Variants in VASP observed in about 807,000 individuals in gnomAD.
VASP encodes vasodilator stimulated phosphoprotein.
Under a neutral mutation model 54.4 loss-of-function variants are expected in VASP, and 27 were observed. That is an observed-to-expected ratio of 0.50 (90% CI 0.37 to 0.68). VASP has a LOEUF of 0.68. Ranked by LOEUF, VASP falls within the 30% of genes least tolerant of loss-of-function variation. The pLI is 0.00. For synonymous variants in VASP, 233 were observed against 209.8 expected, an observed-to-expected ratio of 1.11 and a Z score of -0.96; for missense variants, 488 against 528.3, an observed-to-expected ratio of 0.92 and a Z score of 0.75.
chr19:45,522,140 A>G, intron 4 of VASP, 28 bp from the exon 5 acceptor site: 1 of 1,612,690 alleles, frequency 6.2e-7, no homozygotes, highest in Non-Finnish European at 8.5e-7. Context: ...GCCCTGATTG[A>G]CGGCAGCTCT....
chr19:45,521,447 G>A, intron 4 of VASP, 41 bp downstream of exon 4: 1 of 1,476,146 alleles, frequency 6.8e-7, no homozygotes, highest in Non-Finnish European at 9.0e-7. Flanking sequence ...GCCGCTGCCA[G>A]AGTTCCATAT....
intron 3 of VASP, among the ~76,000 whole-genome samples, chr19:45,520,963 C>T (rs975803199): frequency 1.3e-5 from 2 of 152,034 alleles, no homozygotes; most frequent in East Asian, 1.9e-4. Flanking sequence ...GACTCTGTCT[C>T]GAAACAAACC....
At position 45,513,996 on chromosome 19, in the gene VASP, G is replaced by A. The variant is rs181934592; in HGVS notation, c.6-3667G>A. On this transcript the variant is annotated intron_variant, in intron 1 of 12. Transcript: ENST00000245932. ...TTCTGCCTTTTTGGCAGCGGAGACA[G>A]ACAAATATTGTGTTGGGCAGGGGTC... 3.9e-4 allele frequency among the ~76,000 whole-genome samples: 60 copies of A among 152,344 alleles called. 1 individual carries two copies. In the East Asian group the frequency reaches 0.011, roughly 28 times the overall value.
At chr19:45,519,398 C>G (rs1158172228) in intron 3 of VASP, among the ~76,000 whole-genome samples, 1 of 152,132 alleles carries the variant, frequency 6.6e-6, no homozygotes, top group Non-Finnish European at 1.5e-5. Context: ...CCTGCCTCTG[C>G]CTCCCAAAGT....
rs901523629 is a variant in VASP, at chr19:45,526,411, T to G, written c.*234T>G. On this transcript the variant is annotated 3_prime_UTR_variant, in exon 13 of 13. Transcript: ENST00000245932. The stretch of plus-strand genomic sequence containing the variant: ...TTTTCTCCCTTTGGTCCTTCCCCTC[T>G]GCCATCCCCTTGGGGCCGGTCCCTC... The G allele has an allele frequency of 2.0e-6, 1 of 500,874 alleles. No homozygotes were observed. Among genetic ancestry groups the G allele is most frequent in the African/African-American group, 2.0e-5 (1 of 50,114 alleles). The allele number at this position is 500,874 out of a possible 1,614,324, so 31.0% of individuals were successfully genotyped here.
In VASP at chr19:45,517,686, G is replaced by T; in HGVS notation, c.29G>T (p.Arg10Leu). The change falls in exon 2 of 13, where the codon CGG (arginine) becomes CTG (leucine). Residue 10 changes from arginine (R) to leucine (L), a missense_variant. Around this residue, in one of 4 missense-constraint regions of VASP, gnomAD observed 127 missense variants for 170.7 expected, o/e 0.74. Coordinates refer to ENST00000245932, the MANE Select transcript of VASP (RefSeq NM_003370.4). Reference sequence around the variant, plus strand: ...AGCGAGACGGTCATCTGTTCCAGCCGGGCCACTGTGATGCTTTATGATGAT... The same window carrying T: ...AGCGAGACGGTCATCTGTTCCAGCCTGGCCACTGTGATGCTTTATGATGAT... MSETVICSS[R>L]ATVMLYDDGN... The T allele has an allele frequency of 6.2e-7, 1 of 1,610,572 alleles. No homozygotes were observed. Among genetic ancestry groups the T allele is most frequent in the South Asian group, 1.1e-5 (1 of 91,078 alleles).
intron 12 of VASP, 22 bp from the exon 13 acceptor site, chr19:45,526,118 T>A (rs1344275401): frequency 6.2e-7 from 1 of 1,613,798 alleles, no homozygotes; most frequent in Non-Finnish European, 8.5e-7. Flanking sequence ...GCCCCTGACC[T>A]CTGCTCCTTG....
intron 7 of VASP, 53 bp downstream of exon 7, chr19:45,522,871 C>T: frequency 6.5e-7 from 1 of 1,534,218 alleles, no homozygotes; most frequent in South Asian, 1.2e-5. Flanking sequence ...TCAGTAGGGC[C>T]CAGTCAGAGG....
At chr19:45,513,468 C>CTTTTT (rs71173173) in intron 1 of VASP, among the ~76,000 whole-genome samples, 10 of 92,788 alleles carry the variant, frequency 1.1e-4, no homozygotes, top group Admixed American at 8.4e-4. Context: ...AGTCTCTCTC[C>CTTTTT]TTTTTTTTTT....
intron 6 of VASP, 59 bp from the exon 7 acceptor site, chr19:45,522,659 T>C (rs1968867412): frequency 6.3e-7 from 1 of 1,575,956 alleles, no homozygotes. Context: ...GCGGTGTCAT[T>C]GGGCTGGAAG....
chr19:45,519,894 CTTTTTTTTTTTTTTTT>C (rs57892194), intron 3 of VASP, among the ~76,000 whole-genome samples: 1 of 50,974 alleles, frequency 2.0e-5, no homozygotes, highest in Non-Finnish European at 3.3e-5. Context: ...TGCGCCCGGC[CTTTTTTTTTTTTTTTT>C]TTTTTTTTTT....
intron 3 of VASP, among the ~76,000 whole-genome samples, chr19:45,518,931 G>A (rs569605875): frequency 4.6e-5 from 7 of 151,390 alleles, no homozygotes; most frequent in South Asian, 4.2e-4. Context: ...TCCCGGGTTC[G>A]CGTGATTCTC....
chr19:45,517,554 T>C, intron 1 of VASP, 109 bp from the exon 2 acceptor site: 1 of 1,439,072 alleles, frequency 6.9e-7, no homozygotes, highest in Non-Finnish European at 9.4e-7. Flanking sequence ...CCTGCCTCCC[T>C]CTGTGTCACT....
intron 11 of VASP, chr19:45,524,995 G>A (rs1435074700): frequency 2.5e-5 from 6 of 244,606 alleles, no homozygotes; most frequent in South Asian, 2.0e-4. Flanking sequence ...GTACTTTTCC[G>A]GCTCCAAGGA....
intron 9 of VASP, 94 bp downstream of exon 9, chr19:45,523,971 A>G (rs1968903440): frequency 6.2e-7 from 1 of 1,608,840 alleles, no homozygotes; most frequent in African/African-American, 1.3e-5. Flanking sequence ...GTCAGGGCGA[A>G]TGGTGCTGGG....
chr19:45,508,115 A>G (rs748516373), intron 1 of VASP, among the ~76,000 whole-genome samples: 68 of 146,080 alleles, frequency 4.7e-4, no homozygotes, highest in Non-Finnish European at 8.1e-4. Context: ...CAGGGCTCAG[A>G]CTCTCCTCCC....
At chr19:45,523,962 T>C (rs1968903045) in intron 9 of VASP, 85 bp downstream of exon 9, 11 of 1,609,066 alleles carry the variant, frequency 6.8e-6, no homozygotes, top group Non-Finnish European at 9.3e-6. Flanking sequence ...TATAGGAGAG[T>C]CAGGGCGAAT....
chr19:45,510,379 C>T (rs1968577064), intron 1 of VASP, among the ~76,000 whole-genome samples: 1 of 152,076 alleles, frequency 6.6e-6, no homozygotes, highest in South Asian at 2.1e-4. Flanking sequence ...GTGCCTGCCA[C>T]CATGCCCGGC....
rs1294632265 is a variant in VASP at position 45,518,008 on chromosome 19, G to A, written c.257G>A (p.Arg86His). 6.2e-6 allele frequency: 10 copies of A among 1,613,796 alleles called. No individual in the cohort carries two copies. The highest frequency in any genetic ancestry group is 2.7e-5 in the African/African-American group (2 of 74,900). The change falls in exon 3 of 13, where the codon CGC becomes CAC. Residue 86 changes from arginine (R) to histidine (H), a missense_variant. Arg to His is a conservative substitution (Grantham distance 29). Coordinates refer to ENST00000245932, the MANE Select transcript of VASP (RefSeq NM_003370.4). The stretch of plus-strand genomic sequence containing the variant: ...AACTTCCATCAGTGGCGCGACGCTC[G>A]CCAGGTCTGGGGCCTCAACTTCGGC... ...TPNFHQWRDA[R>H]QVWGLNFGSK...
Sources: gnomAD v4.1 joint callset for allele counts (sites outside exome capture counted in the v4.1 genomes callset) on GRCh38, gnomAD v4.1.1 for gene constraint, gnomAD v4.1.1 regional missense constraint, MANE v1.5 for transcripts, NCBI Gene and HGNC (gene_info 2026-07-23, HGNC 2026-07-21) for gene names.